The following C11orf65 variants were observed in gnomAD, a reference collection of about 807,000 sequenced individuals.
C11orf65 encodes the protein protein MFI.
In C11orf65, 38 loss-of-function variants were observed where a neutral mutation model predicts 35.3. The ratio of observed to expected loss-of-function variants is 1.08; its 90% CI spans 0.83 to 1.41. The LOEUF is 1.41. C11orf65 is among the 40% of genes most tolerant of loss of function. The pLI is 0.00. For missense variants in C11orf65, 370 were observed against 367.1 expected (o/e 1.01, Z -0.06); for synonymous variants, 105 against 114.4 (o/e 0.92, Z 0.53).
At chr11:108,421,839 C>CA (rs1314028472) in intron 3 of C11orf65, among the ~76,000 whole-genome samples, 2 of 152,226 alleles carry the variant, frequency 1.3e-5, no homozygotes, top group Non-Finnish European at 2.9e-5. Flanking sequence ...CTGCTTTCTT[C>CA]AAGTTTAGTA....
downstream of C11orf65, among the ~76,000 whole-genome samples, chr11:108,329,462 A>T (rs1043035774): frequency 4.0e-5 from 6 of 151,636 alleles, no homozygotes; most frequent in African/African-American, 9.7e-5. Flanking sequence ...GCTGGAGTAC[A>T]GTGGCGTGAT....
In C11orf65 at chr11:108,406,800, C is replaced by G. The variant is rs373726941; in HGVS notation, c.392G>C (p.Arg131Pro). 6.2e-7 allele frequency: 1 copy of G among 1,611,470 alleles called. No individual in the cohort carries two copies. Among genetic ancestry groups the G allele is most frequent in the Non-Finnish European group, 8.5e-7 (1 of 1,178,672 alleles). The stretch of plus-strand genomic sequence containing the variant: ...TGGCCTCCAGCCATTGTTTTCTATA[C>G]GATGATACCAGCCACTATGATCCTC... ...QEEDHSGWYH[R>P]IENNGWRPVS... Residue 131 changes from arginine to proline, a missense_variant, in exon 5 of 9, where the codon CGT becomes CCT. Coordinates refer to ENST00000393084, the MANE Select transcript of C11orf65 (RefSeq NM_152587.5).
chr11:108,433,683 T>C (rs1479952491), intron 2 of C11orf65, among the ~76,000 whole-genome samples: 2 of 152,250 alleles, frequency 1.3e-5, no homozygotes, highest in African/African-American at 4.8e-5. Context: ...CACAGCAACA[T>C]TTATTCTGCA....
intron 3 of C11orf65, chr11:108,332,954 G>A (rs1250942207): frequency 6.3e-7 from 1 of 1,575,266 alleles, no homozygotes; most frequent in Non-Finnish European, 8.7e-7. Context: ...ACTCTCTGTA[G>A]AGATATATTA....
chr11:108,329,000 A>G, downstream of C11orf65: 2 of 1,596,360 alleles, frequency 1.3e-6, no homozygotes, highest in Non-Finnish European at 1.7e-6. Context: ...TATAATTTAA[A>G]TTGGTTGTGT....
intron 6 of C11orf65, chr11:108,326,285 A>G (rs2085681236): frequency 1.3e-6 from 2 of 1,577,856 alleles, no homozygotes; most frequent in African/African-American, 1.4e-5. Context: ...ACACAAATGT[A>G]CTTTAAAATA....
At chr11:108,456,368 G>C (rs2093411584) in intron 2 of C11orf65, among the ~76,000 whole-genome samples, 1 of 152,056 alleles carries the variant, frequency 6.6e-6, no homozygotes, top group African/African-American at 2.4e-5. Context: ...ATTTGAGATG[G>C]ATACTATATA....
At chr11:108,361,703 T>C (rs2090782586) in intron 2 of C11orf65, among the ~76,000 whole-genome samples, 1 of 151,694 alleles carries the variant, frequency 6.6e-6, no homozygotes, top group Admixed American at 6.6e-5. Flanking sequence ...GGGGAAAGGA[T>C]TCCCTATTTA....
At chr11:108,448,451 T>A (rs1413705052) in intron 2 of C11orf65, among the ~76,000 whole-genome samples, 1 of 152,200 alleles carries the variant, frequency 6.6e-6, no homozygotes, top group Non-Finnish European at 1.5e-5. Flanking sequence ...CAAGTGGGCT[T>A]CATCCCTGGG....
rs548167043 is a variant in C11orf65 at position 108,384,909 on chromosome 11, C to T, written c.787+1011G>A. 2.6e-5 allele frequency among the ~76,000 whole-genome samples: 4 copies of T among 152,274 alleles called. No individual in the cohort carries two copies. The East Asian group carries it at 5.8e-4, about 22-fold the overall frequency. On this transcript the variant is annotated intron_variant, in intron 8 of 8. Transcript: ENST00000393084. ...GCTTTGGCTATGTTAAAATTATTGGCGTTTCTGGGGTCTGATGACACTCTT... is the reference window on the plus strand; with the variant it reads ...GCTTTGGCTATGTTAAAATTATTGGTGTTTCTGGGGTCTGATGACACTCTT...
intron 6 of C11orf65, among the ~76,000 whole-genome samples, chr11:108,401,618 T>C (rs544683788): frequency 8.5e-5 from 13 of 152,338 alleles, no homozygotes; most frequent in South Asian, 2.1e-4. Context: ...GCTTCTGTAA[T>C]ATGCTTCCCC....
intron 3 of C11orf65, among the ~76,000 whole-genome samples, chr11:108,424,766 C>T (rs2092875686): frequency 6.6e-6 from 1 of 152,108 alleles, no homozygotes; most frequent in Non-Finnish European, 1.5e-5. Flanking sequence ...TGGAAGTAAA[C>T]ACTCCTCAGC....
chr11:108,374,657 GAGA>G (rs1312074879), intron 2 of C11orf65, among the ~76,000 whole-genome samples: 1 of 152,240 alleles, frequency 6.6e-6, no homozygotes, highest in Non-Finnish European at 1.5e-5. Flanking sequence ...GACGAGTTGA[GAGA>G]AGAAGGCTTC....
intron 2 of C11orf65, among the ~76,000 whole-genome samples, chr11:108,360,726 G>A (rs1292033577): frequency 0.022 from 2,984 of 138,392 alleles, 26 homozygotes; most frequent in African/African-American, 0.078. Context: ...TGCAGAAAAA[G>A]CCTTTGACAA....
intron 2 of C11orf65, among the ~76,000 whole-genome samples, chr11:108,450,994 G>C (rs1056820251): frequency 2.6e-5 from 4 of 151,874 alleles, no homozygotes; most frequent in Non-Finnish European, 5.9e-5. Flanking sequence ...ACTAGGTACT[G>C]ATGGGACGTG....
intron 3 of C11orf65, among the ~76,000 whole-genome samples, chr11:108,428,499 A>G (rs909714988): frequency 6.6e-6 from 1 of 152,216 alleles, no homozygotes; most frequent in Non-Finnish European, 1.5e-5. Flanking sequence ...GGATGTGTTC[A>G]TGTCCTTTGC....
At chr11:108,357,843 G>GA (rs2090200792) in intron 2 of C11orf65, among the ~76,000 whole-genome samples, 1 of 151,378 alleles carries the variant, frequency 6.6e-6, no homozygotes, top group African/African-American at 2.4e-5. Context: ...CAAAGATGGG[G>GA]AAAAAACAGA....
chr11:108,337,210 T>C (rs1003025281), intron 2 of C11orf65, among the ~76,000 whole-genome samples: 1 of 152,218 alleles, frequency 6.6e-6, no homozygotes, highest in African/African-American at 2.4e-5. Context: ...ACTTATTGGT[T>C]GGGAGAGGGG....
chr11:108,449,325 C>T (rs1186109569), intron 2 of C11orf65, among the ~76,000 whole-genome samples: 3 of 151,936 alleles, frequency 2.0e-5, no homozygotes, highest in South Asian at 2.1e-4. Flanking sequence ...CCCACATAGC[C>T]AAGTGAATCC....
Sources: gnomAD v4.1 joint callset for allele counts (sites outside exome capture counted in the v4.1 genomes callset) on GRCh38, gnomAD v4.1.1 for gene constraint, MANE v1.5 for transcripts, NCBI Gene and HGNC (gene_info 2026-07-23, HGNC 2026-07-21) for gene names.